The following PRDM16 variants were observed in gnomAD, a reference collection of about 807,000 sequenced individuals.
The protein encoded by PRDM16 is histone-lysine N-methyltransferase PRDM16.
PRDM16 carries 23 observed loss-of-function variants against 110.6 expected under a neutral mutation model. The ratio of observed to expected loss-of-function variants is 0.21; its 90% CI spans 0.15 to 0.29. The LOEUF (loss-of-function observed/expected upper bound fraction) is 0.29. Among genes scored for constraint, PRDM16 ranks in the 10% least tolerant of loss-of-function variants. The probability of loss-of-function intolerance (pLI) is 1.00; values close to 1 mark genes in which losing one functional copy is unlikely to be tolerated. For missense variants in PRDM16, 1,615 were observed against 1,794.3 expected (o/e 0.90, Z 1.81); for synonymous variants, 799 against 781.8 (o/e 1.02, Z -0.37).
intron 10 of PRDM16, among the ~76,000 whole-genome samples, chr1:3,415,424 G>A (rs913025186): frequency 6.6e-6 from 1 of 152,216 alleles, no homozygotes; most frequent in Non-Finnish European, 1.5e-5. Flanking sequence ...TCTCTTTCTC[G>A]GCCTTCCCCG....
chr1:3,351,530 G>C (rs1359251240), intron 3 of PRDM16, among the ~76,000 whole-genome samples: 4,733 of 5,130 alleles, frequency 0.92, 2,195 homozygotes, highest in African/African-American at 0.95. Context: ...ACCCGTCTCT[G>C]TCCCCCTCCC....
At chr1:3,403,505 G>A (rs372902354) in intron 6 of PRDM16, among the ~76,000 whole-genome samples, 1 of 152,202 alleles carries the variant, frequency 6.6e-6, no homozygotes, top group Non-Finnish European at 1.5e-5. Flanking sequence ...GAGCCAGAAG[G>A]GGTCACCCCT....
At chr1:3,274,711 G>A (rs2100301178) in intron 3 of PRDM16, among the ~76,000 whole-genome samples, 1 of 152,348 alleles carries the variant, frequency 6.6e-6, no homozygotes, top group South Asian at 2.1e-4. Flanking sequence ...TCTGCACAAA[G>A]TCGCTGGAGC....
intron 1 of PRDM16, among the ~76,000 whole-genome samples, chr1:3,152,759 C>CATAG (rs1349754414): frequency 6.6e-6 from 1 of 152,188 alleles, no homozygotes; most frequent in Non-Finnish European, 1.5e-5. Context: ...TGGACTCAGC[C>CATAG]ATAGCGTGGG....
chr1:3,421,293 C>T (rs1299585716), intron 12 of PRDM16, among the ~76,000 whole-genome samples: 2 of 152,198 alleles, frequency 1.3e-5, no homozygotes, highest in Non-Finnish European at 2.9e-5. Context: ...CCTGCCCATA[C>T]TCTGTTGTTC....
At position 3,410,705 on chromosome 1, in the gene PRDM16, G is replaced by T. The variant is rs146453802; in HGVS notation, c.1187-679G>T. Among the ~76,000 whole-genome samples the T allele has an allele frequency of 3.4e-3, 517 of 152,308 alleles. 2 individuals are homozygous for T. The highest frequency in any genetic ancestry group is 0.012 in the African/African-American group (481 of 41,558). Reference sequence around the variant, plus strand: ...TTCTAGAGAGCAGGAGGCACAGTCTGCGTGGTCAGCGTCCTGCCCCCACCC... The same window carrying T: ...TTCTAGAGAGCAGGAGGCACAGTCTTCGTGGTCAGCGTCCTGCCCCCACCC... On this transcript the variant is annotated intron_variant, in intron 8 of 16. Coordinates refer to ENST00000270722, the MANE Select transcript of PRDM16 (RefSeq NM_022114.4).
chr1:3,436,598 CTT>C lies in PRDM16; in HGVS notation c.*2788_*2789del, dbSNP rs760620768. On this transcript the variant is annotated 3_prime_UTR_variant, in exon 17 of 17. Coordinates refer to ENST00000270722, the MANE Select transcript of PRDM16 (RefSeq NM_022114.4). ...TGCGCCCCAAAACACGGCCCCGACA[CTT>C]AGTGTGGCCCCAGGCCCCAGCGAGC... The C allele has an allele frequency of 2.2e-5, 5 of 231,926 alleles. No individual in the cohort carries two copies. The highest frequency in any genetic ancestry group is 3.4e-5 in the Non-Finnish European group (4 of 117,332). The allele number at this position is 231,926 out of a possible 1,614,324, so 14.4% of individuals were successfully genotyped here.
intron 3 of PRDM16, among the ~76,000 whole-genome samples, chr1:3,252,455 G>C (rs1489299755): frequency 6.7e-6 from 1 of 148,806 alleles, no homozygotes; most frequent in East Asian, 1.9e-4. Context: ...GGGAGAGTGA[G>C]GGCCTCATGT....
rs1642464546 is a variant in PRDM16 at position 3,350,695 on chromosome 1, G to A, written c.439-34457G>A. Reference sequence around the variant, plus strand: ...CCAGAAGGCAGGGCTTTGGCACCATGCAGCCTCCCAGATGGCCGGGCCGGG... The same window carrying A: ...CCAGAAGGCAGGGCTTTGGCACCATACAGCCTCCCAGATGGCCGGGCCGGG... On this transcript the variant is annotated intron_variant, in intron 3 of 16. Transcript: ENST00000270722. The surrounding 1 kb of genome is among the most constrained non-coding windows in gnomAD (Gnocchi z 7.1). 6.6e-6 allele frequency among the ~76,000 whole-genome samples: 1 copy of A among 152,138 alleles called. No individual in the cohort carries two copies.
At chr1:3,325,043 G>A (rs938316560) in intron 3 of PRDM16, among the ~76,000 whole-genome samples, 4 of 152,258 alleles carry the variant, frequency 2.6e-5, no homozygotes, top group Non-Finnish European at 5.9e-5. Flanking sequence ...TCTGAACTCC[G>A]CCAACCACCT....
At chr1:3,073,158 G>C (rs1382149786) in intron 1 of PRDM16, among the ~76,000 whole-genome samples, 1 of 152,204 alleles carries the variant, frequency 6.6e-6, no homozygotes, top group African/African-American at 2.4e-5. Context: ...GCAGGGCAGG[G>C]GACCAGGTCT....
At chr1:3,325,989 A>C (rs1196465820) in intron 3 of PRDM16, among the ~76,000 whole-genome samples, 5 of 135,092 alleles carry the variant, frequency 3.7e-5, no homozygotes, top group African/African-American at 5.7e-5. Context: ...ATCCTCGACC[A>C]TCCTTGGCCC....
intron 10 of PRDM16, among the ~76,000 whole-genome samples, chr1:3,416,300 G>C (rs1346014836): frequency 6.6e-6 from 1 of 152,184 alleles, no homozygotes; most frequent in African/African-American, 2.4e-5. Flanking sequence ...TCTCCGAAAA[G>C]CTGAGTGCCA....
Position 3,382,852 on chromosome 1 carries a change from C to T in PRDM16, c.439-2300C>T, listed in dbSNP as rs1643125915. ...CACTGTGTACAATGTGCTGTGACGT[C>T]AGCAGGCCTCTATGGAGAAGTGGAC... On this transcript the variant is annotated intron_variant, in intron 3 of 16. Coordinates refer to ENST00000270722, the MANE Select transcript of PRDM16 (RefSeq NM_022114.4). This position sits in a 1 kb window ranked among gnomAD's most constrained non-coding sequence, Gnocchi z 6.6. 6.6e-6 allele frequency among the ~76,000 whole-genome samples: 1 copy of T among 152,222 alleles called. No individual in the cohort carries two copies. Among genetic ancestry groups the T allele is most frequent in the Admixed American group, 6.5e-5 (1 of 15,286 alleles).
chr1:3,123,828 G>T (rs1022001540), intron 1 of PRDM16, among the ~76,000 whole-genome samples: 7 of 152,256 alleles, frequency 4.6e-5, no homozygotes, highest in African/African-American at 1.4e-4. Flanking sequence ...TGAGCTGCGG[G>T]GTCTGGGGCA....
intron 1 of PRDM16, among the ~76,000 whole-genome samples, chr1:3,132,080 G>A (rs1206790997): frequency 6.6e-6 from 1 of 152,160 alleles, no homozygotes; most frequent in African/African-American, 2.4e-5. Context: ...GGAAATGAGC[G>A]ATCAGGGGCT....
intron 1 of PRDM16, among the ~76,000 whole-genome samples, chr1:3,122,067 C>G (rs768172891): frequency 1.3e-5 from 2 of 152,198 alleles, no homozygotes; most frequent in Admixed American, 6.5e-5. Context: ...CCAGCCTCAC[C>G]GCGAGCCCCT....
At chr1:3,383,686 G>A (rs148307322) in intron 3 of PRDM16, among the ~76,000 whole-genome samples, 11 of 152,128 alleles carry the variant, frequency 7.2e-5, no homozygotes, top group African/African-American at 2.4e-4. Flanking sequence ...CTAGGAACCC[G>A]GGAGAGTGCA....
At chr1:3,247,967 T>G (rs1639830153) in intron 3 of PRDM16, among the ~76,000 whole-genome samples, 1 of 152,186 alleles carries the variant, frequency 6.6e-6, no homozygotes, top group Non-Finnish European at 1.5e-5. Flanking sequence ...TCTAGCGAGT[T>G]GTCCATCCAT....
Sources: allele counts gnomAD v4.1 joint callset (sites outside exome capture counted in the v4.1 genomes callset), GRCh38; gene constraint gnomAD v4.1.1; non-coding constraint Gnocchi (gnomAD v3.1); transcripts MANE v1.5; gene names NCBI Gene and HGNC (gene_info 2026-07-23, HGNC 2026-07-21).